The following GREM2 variants were observed in gnomAD, a reference collection of about 807,000 sequenced individuals.
GREM2 encodes gremlin 2, DAN family BMP antagonist.
A neutral mutation model predicts 14.2 loss-of-function variants in GREM2; 11 were observed. That is an observed-to-expected ratio of 0.78 (90% confidence interval 0.49 to 1.28). The LOEUF (loss-of-function observed/expected upper bound fraction) is 1.28. Ranked by LOEUF, GREM2 falls within the 50% of genes most tolerant of loss-of-function variation. The pLI, the probability that GREM2 is intolerant of heterozygous loss-of-function variation, is 0.00. For missense variants in GREM2, 210 were observed against 218.5 expected, an observed-to-expected ratio of 0.96 and a Z score of 0.24; for synonymous variants, 98 against 97.6, an observed-to-expected ratio of 1.00 and a Z score of -0.02.
chr1:240,579,457 C>T (rs923058587), intron 1 of GREM2, among the ~76,000 whole-genome samples: 4 of 152,146 alleles, frequency 2.6e-5, no homozygotes, highest in South Asian at 2.1e-4. Context: ...ATCATTCCTA[C>T]GTCACAGGGT....
intron 1 of GREM2, among the ~76,000 whole-genome samples, chr1:240,529,461 T>C (rs942103301): frequency 6.6e-6 from 1 of 152,112 alleles, no homozygotes; most frequent in Admixed American, 6.5e-5. Flanking sequence ...AACCATCTTA[T>C]TGTGAAATGA....
rs940958384 is a variant in GREM2 at position 240,498,994 on chromosome 1, G to A, written c.-1-5518C>T. On this transcript the variant is annotated intron_variant, in intron 1 of 1. Coordinates refer to ENST00000318160, the MANE Select transcript of GREM2 (RefSeq NM_022469.4). ...GGAAGTGCTTTCCTTTTAAGTGAAC[G>A]CCCTCAGGCCTGGCCTCTGTAGATA... Among the ~76,000 whole-genome samples, 5 of 152,174 alleles carry A rather than the reference G, an allele frequency of 3.3e-5. No individual in the cohort carries two copies. In the South Asian group the frequency reaches 6.2e-4, roughly 19 times the overall value.
At chr1:240,600,002 G>A (rs1043227428) in intron 1 of GREM2, among the ~76,000 whole-genome samples, 6 of 152,184 alleles carry the variant, frequency 3.9e-5, no homozygotes, top group African/African-American at 1.4e-4. Context: ...ATATCCTGCA[G>A]CTGTACCTTG....
At chr1:240,598,885 C>A (rs1358459926) in intron 1 of GREM2, among the ~76,000 whole-genome samples, 3 of 152,168 alleles carry the variant, frequency 2.0e-5, no homozygotes, top group Non-Finnish European at 4.4e-5. Flanking sequence ...ATAGTGCTCT[C>A]AAAATACCAC....
At chr1:240,511,933 A>G (rs1270093422) in intron 1 of GREM2, among the ~76,000 whole-genome samples, 1 of 152,166 alleles carries the variant, frequency 6.6e-6, no homozygotes, top group South Asian at 2.1e-4. Context: ...CAATAAGAAT[A>G]AGTGTGGAAA....
chr1:240,510,098 G>T (rs184440889), intron 1 of GREM2, among the ~76,000 whole-genome samples: 2 of 152,164 alleles, frequency 1.3e-5, no homozygotes, highest in East Asian at 3.9e-4. Context: ...GGCCGGGTGC[G>T]GTGGCTCACG....
intron 1 of GREM2, among the ~76,000 whole-genome samples, chr1:240,502,220 C>A (rs1677584399): frequency 6.6e-6 from 1 of 152,156 alleles, no homozygotes; most frequent in Admixed American, 6.5e-5. Context: ...CCTGTCCATG[C>A]AACCCACCAA....
At position 240,542,615 on chromosome 1, in the gene GREM2, AAAAT is replaced by A. The variant is rs534840992; in HGVS notation, c.-1-49143_-1-49140del. ...AGTGACAGAGCGAGACTCCATCTCA[AAAAT>A]AAATAAATAAATAAATAAATAAAAA... On this transcript the variant is annotated intron_variant, in intron 1 of 1. Transcript: ENST00000318160. The surrounding 1 kb of genome is among the most constrained non-coding windows in gnomAD (Gnocchi z 4.1). Among the ~76,000 whole-genome samples the A allele has an allele frequency of 2.0e-5, 3 of 151,794 alleles. No homozygotes were observed. The highest frequency in any genetic ancestry group is 4.8e-5 in the African/African-American group (2 of 41,344).
At chr1:240,547,454 CA>C (rs1678757120) in intron 1 of GREM2, among the ~76,000 whole-genome samples, 1 of 144,412 alleles carries the variant, frequency 6.9e-6, no homozygotes, top group African/African-American at 2.6e-5. Flanking sequence ...GAGCCGAAAT[CA>C]CACCGCTGCA....
chr1:240,504,429 A>C (rs1285715463), intron 1 of GREM2, among the ~76,000 whole-genome samples: 1 of 152,200 alleles, frequency 6.6e-6, no homozygotes, highest in Non-Finnish European at 1.5e-5. Context: ...TAGGGGAATC[A>C]ATATACAAAT....
At chr1:240,599,685 G>T (rs1253284826) in intron 1 of GREM2, among the ~76,000 whole-genome samples, 1 of 152,170 alleles carries the variant, frequency 6.6e-6, no homozygotes, top group Non-Finnish European at 1.5e-5. Flanking sequence ...GAGAAGAAGA[G>T]TCATAGCTAT....
chr1:240,500,605 G>C (rs570941720), intron 1 of GREM2, among the ~76,000 whole-genome samples: 7 of 152,044 alleles, frequency 4.6e-5, no homozygotes, highest in Admixed American at 6.6e-5. Context: ...GTGCCCAGCC[G>C]ATAATCTTTA....
chr1:240,495,941 G>GTTTTTT (rs1390116748), intron 1 of GREM2, among the ~76,000 whole-genome samples: 3 of 149,560 alleles, frequency 2.0e-5, no homozygotes, highest in Admixed American at 1.3e-4. Flanking sequence ...TTTTGTTTTT[G>GTTTTTT]TTTTTGTTTT....
chr1:240,571,192 G>A (rs944338335), intron 1 of GREM2, among the ~76,000 whole-genome samples: 5 of 151,960 alleles, frequency 3.3e-5, no homozygotes, highest in African/African-American at 1.2e-4. Context: ...ACTTAAAAAA[G>A]AACATTCCCT....
chr1:240,560,047 C>G (rs1679011518), intron 1 of GREM2, among the ~76,000 whole-genome samples: 1 of 152,116 alleles, frequency 6.6e-6, no homozygotes. Context: ...ACTTAAGAGG[C>G]TGAAGAGGTG....
At position 240,491,315 on chromosome 1, in the gene GREM2, G is replaced by A. The variant is rs575077484; in HGVS notation, c.*1654C>T. The A allele has an allele frequency of 6.5e-6, 1 of 152,712 alleles. No homozygotes were observed. Among genetic ancestry groups the A allele is most frequent in the South Asian group, 2.1e-4 (1 of 4,826 alleles). 9.5% of individuals were successfully genotyped at this position (152,712 alleles called of 1,614,324 possible). A position where few individuals can be genotyped will look rare whatever the true frequency, so the allele number is the denominator to read the frequency against. ...CATACTAGGGAAGTGGCCCCTCACA[G>A]GAGCACTTACCAGGGAATCATCAGT... On this transcript the variant is annotated 3_prime_UTR_variant, in exon 2 of 2. Transcript: ENST00000318160.
intron 1 of GREM2, among the ~76,000 whole-genome samples, chr1:240,604,306 C>CATATGT (rs1553280798): frequency 8.5e-6 from 1 of 117,312 alleles, no homozygotes; most frequent in South Asian, 2.6e-4. Flanking sequence ...TATAACTATA[C>CATATGT]GTATGTGTGT....
intron 1 of GREM2, among the ~76,000 whole-genome samples, chr1:240,553,488 GA>G (rs1385905119): frequency 9.2e-5 from 14 of 152,180 alleles, no homozygotes; most frequent in Admixed American, 9.2e-4. Flanking sequence ...AACTCAGCAT[GA>G]AATATGGATG....
chr1:240,531,497 A>T, intron 1 of GREM2: 1 of 255,788 alleles, frequency 3.9e-6, no homozygotes, highest in Non-Finnish European at 6.1e-6. Context: ...ATTTGTATGT[A>T]ATAGTATTTC....
Sources: allele counts gnomAD v4.1 joint callset (sites outside exome capture counted in the v4.1 genomes callset), GRCh38; gene constraint gnomAD v4.1.1; non-coding constraint Gnocchi (gnomAD v3.1); transcripts MANE v1.5; gene names NCBI Gene and HGNC (gene_info 2026-07-23, HGNC 2026-07-21).